The following SIPA1L1 variants were observed in gnomAD, a reference collection of about 807,000 sequenced individuals.
SIPA1L1 encodes the protein signal induced proliferation associated 1 like 1.
A neutral mutation model predicts 162.7 loss-of-function variants in SIPA1L1; 26 were observed. The observed-to-expected ratio is 0.16, with a 90% CI of 0.12 to 0.22. The LOEUF (loss-of-function observed/expected upper bound fraction) is 0.22. Among genes scored for constraint, SIPA1L1 ranks in the 10% least tolerant of loss-of-function variants. The pLI, the probability that SIPA1L1 is intolerant of heterozygous loss-of-function variation, is 1.00. For synonymous variants in SIPA1L1, 829 were observed against 837.4 expected (o/e 0.99, Z 0.17); for missense variants, 1,874 against 2,241.0 (o/e 0.84, Z 3.31).
chr14:71,492,225 A>T (rs148647875), intron 2 of SIPA1L1, among the ~76,000 whole-genome samples: 1 of 152,288 alleles, frequency 6.6e-6, no homozygotes, highest in African/African-American at 2.4e-5. Flanking sequence ...GGAAGGAGCA[A>T]GTGTGGATTG....
intron 5 of SIPA1L1, among the ~76,000 whole-genome samples, chr14:71,604,001 A>AT (rs539719151): frequency 0.018 from 2,549 of 140,324 alleles, 83 homozygotes; most frequent in African/African-American, 0.061. Flanking sequence ...ATATATATAA[A>AT]TTTTTTTTTT....
chr14:71,639,690 G>A (rs1439683219), intron 7 of SIPA1L1, among the ~76,000 whole-genome samples: 2 of 152,178 alleles, frequency 1.3e-5, no homozygotes, highest in African/African-American at 2.4e-5. Context: ...TATAGCTCCA[G>A]TAGTCAAGAC....
At chr14:71,534,062 AAAAAATAAAAATAAAAAT>A (rs560499552) in intron 4 of SIPA1L1, among the ~76,000 whole-genome samples, 13 of 151,602 alleles carry the variant, frequency 8.6e-5, no homozygotes, top group Non-Finnish European at 1.3e-4. Context: ...CCATCTCTAC[AAAAAATAAAAATAAAAAT>A]AAAAATAAAA....
intron 2 of SIPA1L1, among the ~76,000 whole-genome samples, chr14:71,380,272 T>A (rs368015885): frequency 6.6e-6 from 1 of 152,248 alleles, no homozygotes; most frequent in African/African-American, 2.4e-5. Flanking sequence ...ATGGTTCTTG[T>A]AGATAACTTT....
chr14:71,668,646 T>C (rs1159985659), intron 10 of SIPA1L1, among the ~76,000 whole-genome samples: 1 of 152,210 alleles, frequency 6.6e-6, no homozygotes, highest in Non-Finnish European at 1.5e-5. Context: ...TCTGTTAAGT[T>C]CCCTTCCTGT....
chr14:71,548,758 G>T (rs1476190321), intron 4 of SIPA1L1, among the ~76,000 whole-genome samples: 1 of 151,750 alleles, frequency 6.6e-6, no homozygotes, highest in East Asian at 1.9e-4. Flanking sequence ...CCAGCTGAGC[G>T]CAGGTGGCAC....
chr14:71,542,747 CTCTT>C (rs1286422625), intron 4 of SIPA1L1, among the ~76,000 whole-genome samples: 3 of 136,966 alleles, frequency 2.2e-5, no homozygotes, highest in South Asian at 2.4e-4. Context: ...TTCTCTCTCT[CTCTT>C]TTTTTTTTTT....
chr14:71,537,379 T>G (rs1273930587), intron 4 of SIPA1L1, among the ~76,000 whole-genome samples: 1 of 151,946 alleles, frequency 6.6e-6, no homozygotes, highest in African/African-American at 2.4e-5. Flanking sequence ...TTTTGGTATT[T>G]TTTTTAGTAG....
chr14:71,392,823 C>T (rs1358822121), intron 2 of SIPA1L1, among the ~76,000 whole-genome samples: 5 of 152,104 alleles, frequency 3.3e-5, no homozygotes, highest in Non-Finnish European at 5.9e-5. Flanking sequence ...CGCACCTGGC[C>T]GAAACTTTTT....
intron 8 of SIPA1L1, among the ~76,000 whole-genome samples, chr14:71,654,812 C>T (rs529561530): frequency 1.5e-4 from 23 of 152,210 alleles, no homozygotes; most frequent in East Asian, 3.9e-4. Flanking sequence ...TTGCTCAATA[C>T]GCTCTTCAAC....
chr14:71,605,124 C>T (rs754129821), intron 5 of SIPA1L1, among the ~76,000 whole-genome samples: 15 of 151,894 alleles, frequency 9.9e-5, no homozygotes, highest in Non-Finnish European at 1.9e-4. Flanking sequence ...AAAGATCTGT[C>T]GTCAAGTACT....
intron 2 of SIPA1L1, among the ~76,000 whole-genome samples, chr14:71,483,911 C>T (rs2048539988): frequency 6.6e-6 from 1 of 152,172 alleles, no homozygotes; most frequent in Non-Finnish European, 1.5e-5. Context: ...CCTCTGACAT[C>T]GCTAGGTTGG....
chr14:71,626,707 A>G (rs1475941318), intron 7 of SIPA1L1, among the ~76,000 whole-genome samples: 2 of 152,192 alleles, frequency 1.3e-5, no homozygotes, highest in East Asian at 3.8e-4. Flanking sequence ...GTGTGATACA[A>G]GGAAACTGGA....
At chr14:71,556,816 G>A (rs1326856016) in intron 4 of SIPA1L1, among the ~76,000 whole-genome samples, 1 of 152,184 alleles carries the variant, frequency 6.6e-6, no homozygotes, top group Non-Finnish European at 1.5e-5. Context: ...AATGTGATTG[G>A]ACAAAAAGCA....
intron 2 of SIPA1L1, among the ~76,000 whole-genome samples, chr14:71,476,665 A>T (rs2047882244): frequency 9.5e-6 from 1 of 105,448 alleles, no homozygotes; most frequent in Non-Finnish European, 2.5e-5. Context: ...TTATTTATTT[A>T]TTTATTTATT....
chr14:71,590,747 A>G (rs1437988088), intron 5 of SIPA1L1, among the ~76,000 whole-genome samples: 2 of 152,132 alleles, frequency 1.3e-5, no homozygotes, highest in Non-Finnish European at 2.9e-5. Context: ...TCTCTGTTAC[A>G]CTGTCCTTTA....
chr14:71,620,147 G>A (rs753778974), intron 6 of SIPA1L1, among the ~76,000 whole-genome samples: 9 of 152,174 alleles, frequency 5.9e-5, no homozygotes, highest in South Asian at 2.1e-4. Context: ...TTGGCTCACC[G>A]CAACCTTTGT....
intron 12 of SIPA1L1, among the ~76,000 whole-genome samples, chr14:71,675,232 C>T (rs765914303): frequency 7.7e-4 from 118 of 152,282 alleles, no homozygotes; most frequent in Non-Finnish European, 1.5e-3. Flanking sequence ...CAGGCCTTCC[C>T]GGAGGAGCCA....
intron 2 of SIPA1L1, among the ~76,000 whole-genome samples, chr14:71,493,117 C>T (rs1467385836): frequency 6.6e-6 from 1 of 152,074 alleles, no homozygotes; most frequent in African/African-American, 2.4e-5. Flanking sequence ...CAGGGTCTTG[C>T]TCTGTCACCC....
Sources: gnomAD v4.1 joint callset for allele counts (sites outside exome capture counted in the v4.1 genomes callset) on GRCh38, gnomAD v4.1.1 for gene constraint, MANE v1.5 for transcripts, NCBI Gene and HGNC (gene_info 2026-07-23, HGNC 2026-07-21) for gene names.